PHLDB2: variants seen among roughly 807,000 people sequenced by gnomAD.
The protein encoded by PHLDB2 is pleckstrin homology-like domain family B member 2.
A neutral mutation model predicts 123.6 loss-of-function variants in PHLDB2; 71 were observed. That is an observed-to-expected ratio of 0.57 (90% CI 0.47 to 0.70). The LOEUF (loss-of-function observed/expected upper bound fraction) is 0.70. PHLDB2 is among the 30% of genes least tolerant of loss of function. The pLI is 0.00. For synonymous variants in PHLDB2, 547 were observed against 541.6 expected (o/e 1.01, Z -0.14); for missense variants, 1,446 against 1,519.5 (o/e 0.95, Z 0.80).
intron 1 of PHLDB2, among the ~76,000 whole-genome samples, chr3:111,820,059 T>C (rs894890532): frequency 6.6e-6 from 1 of 152,242 alleles, no homozygotes; most frequent in Non-Finnish European, 1.5e-5. Context: ...CCCTAGTGGC[T>C]TGAGGTTGTT....
At chr3:111,813,339 G>T (rs2061929624) in intron 1 of PHLDB2, among the ~76,000 whole-genome samples, 1 of 151,970 alleles carries the variant, frequency 6.6e-6, no homozygotes, top group Non-Finnish European at 1.5e-5. Flanking sequence ...ATATTTTGGA[G>T]GCTTAGATAT....
chr3:111,858,974 T>C (rs1369555590), upstream of PHLDB2, among the ~76,000 whole-genome samples: 1 of 152,022 alleles, frequency 6.6e-6, no homozygotes, highest in Admixed American at 6.5e-5. Flanking sequence ...CTCAGAAAAA[T>C]ATTGGGGAAA....
Position 111,822,663 on chromosome 3 carries a change from A to C in PHLDB2, c.-48-23158A>C, listed in dbSNP as rs142409749. Among the ~76,000 whole-genome samples, 607 of 152,270 alleles carry C rather than the reference A, an allele frequency of 4.0e-3. 4 individuals carry two copies. The highest frequency in any genetic ancestry group is 0.014 in the African/African-American group (566 of 41,558). On this transcript the variant is annotated intron_variant, in intron 1 of 17. Transcript: ENST00000393923. Reference sequence around the variant, plus strand: ...CTATGAGCTCTGGTAAACATTGGCAAGTTGCAGAAGATAAAGCCTGACGTC... The same window carrying C: ...CTATGAGCTCTGGTAAACATTGGCACGTTGCAGAAGATAAAGCCTGACGTC...
At position 111,859,448 on chromosome 3, in the gene PHLDB2, C is replaced by G. The variant is rs78431011; in HGVS notation, c.-143C>G. 159,594 of 985,422 alleles carry G rather than the reference C, an allele frequency of 0.16. 13,313 individuals are homozygous for G. The highest frequency in any genetic ancestry group is 0.18 in the Admixed American group (2,918 of 16,278). The allele number at this position is 985,422 out of a possible 1,614,324, so 61.0% of individuals were successfully genotyped here. On this transcript the variant is annotated 5_prime_UTR_variant, in exon 1 of 18. Transcript: ENST00000431670. ...TGGTTACAAAGGGGGTCAAGAGTGC[C>G]GGACCCAGCCGCGCGGAGCCCACCA...
At chr3:111,900,821 G>A (rs1270429400) in intron 2 of PHLDB2, among the ~76,000 whole-genome samples, 1 of 152,210 alleles carries the variant, frequency 6.6e-6, no homozygotes, top group African/African-American at 2.4e-5. Flanking sequence ...GCAAAATGCA[G>A]TAAAATGAGA....
intron 1 of PHLDB2, among the ~76,000 whole-genome samples, chr3:111,824,195 C>A (rs1033296956): frequency 2.6e-5 from 4 of 152,146 alleles, no homozygotes; most frequent in Admixed American, 2.6e-4. Flanking sequence ...TCTGTCTTCT[C>A]CCTATAAACA....
intron 4 of PHLDB2, among the ~76,000 whole-genome samples, 188 bp from the exon 5 acceptor site, chr3:111,920,094 G>A (rs1469414543): frequency 3.9e-5 from 6 of 152,264 alleles, no homozygotes; most frequent in African/African-American, 1.4e-4. Flanking sequence ...TATATTCTAG[G>A]CTCTCTAGCT....
intron 2 of PHLDB2, among the ~76,000 whole-genome samples, chr3:111,887,548 G>T (rs2066245603): frequency 6.6e-6 from 1 of 152,164 alleles, no homozygotes; most frequent in Non-Finnish European, 1.5e-5. Flanking sequence ...ATTTCATTTA[G>T]TTTGCAAAAT....
chr3:111,805,509 C>T lies in PHLDB2; in HGVS notation c.-48-40312C>T, dbSNP rs374041683. The stretch of plus-strand genomic sequence containing the variant: ...CTGGGAGGCGGAGCTTGCAGTGAGC[C>T]GAGATTGCGCCGCTGCACTCCAGCC... On this transcript the variant is annotated intron_variant, in intron 1 of 17. Coordinates refer to the PHLDB2 transcript ENST00000393923. Among the ~76,000 whole-genome samples the T allele has an allele frequency of 2.7e-5, 4 of 149,598 alleles. 1 individual carries two copies. The highest frequency in any genetic ancestry group is 9.9e-5 in the African/African-American group (4 of 40,292).
At chr3:111,944,869 T>C (rs2070188367) in intron 8 of PHLDB2, among the ~76,000 whole-genome samples, 1 of 152,096 alleles carries the variant, frequency 6.6e-6, no homozygotes, top group African/African-American at 2.4e-5. Context: ...GAGACAAGGT[T>C]TCACCATGTT....
intron 10 of PHLDB2, chr3:111,949,681 C>A: frequency 1.0e-6 from 1 of 966,034 alleles, no homozygotes; most frequent in Non-Finnish European, 1.2e-6. Context: ...CACATATATA[C>A]CTTTTCTTTC....
intron 17 of PHLDB2, 26 bp from the exon 18 acceptor site, chr3:111,974,397 A>G (rs1405524884): frequency 6.4e-7 from 1 of 1,558,114 alleles, no homozygotes; most frequent in Non-Finnish European, 8.7e-7. Flanking sequence ...TTTATTTTAC[A>G]TTCTTTTTCC....
intron 2 of PHLDB2, among the ~76,000 whole-genome samples, chr3:111,902,971 T>C (rs2067285281): frequency 6.6e-6 from 1 of 152,220 alleles, no homozygotes; most frequent in Admixed American, 6.5e-5. Context: ...TATTTTTTAA[T>C]TGGAAAGCTA....
At chr3:111,815,607 G>T (rs115585470) in intron 1 of PHLDB2, among the ~76,000 whole-genome samples, 4,371 of 152,294 alleles carry the variant, frequency 0.029, 82 homozygotes, top group South Asian at 0.065. Context: ...TCTGGCCGAA[G>T]AAATTTCTAA....
At chr3:111,752,769 G>C (rs2059804837) in intron 1 of PHLDB2, among the ~76,000 whole-genome samples, 1 of 151,824 alleles carries the variant, frequency 6.6e-6, no homozygotes, top group African/African-American at 2.4e-5. Context: ...TTTAGCATTA[G>C]GTATATCTCC....
At chr3:111,896,884 T>G (rs1310609401) in intron 2 of PHLDB2, among the ~76,000 whole-genome samples, 1 of 152,158 alleles carries the variant, frequency 6.6e-6, no homozygotes, top group Non-Finnish European at 1.5e-5. Flanking sequence ...CAAAATAATC[T>G]CTTTATGTTG....
rs563667195 is a variant in PHLDB2, at chr3:111,768,616, C to T, written c.-49+35913C>T. Among the ~76,000 whole-genome samples, 30 of 152,244 alleles carry T rather than the reference C, an allele frequency of 2.0e-4. No homozygotes were observed. In the East Asian group the frequency reaches 3.5e-3, roughly 18 times the overall value. ...ATGTCCACACATCAGCCAGCCAGTC[C>T]GTCCCTCACCCACACCCTCGGATCC... On this transcript the variant is annotated intron_variant, in intron 1 of 17. Transcript: ENST00000393923.
intron 1 of PHLDB2, among the ~76,000 whole-genome samples, chr3:111,784,377 G>A (rs946433530): frequency 1.3e-5 from 2 of 152,114 alleles, no homozygotes; most frequent in Admixed American, 1.3e-4. Context: ...TTTGAAGTGA[G>A]GCATGAGATT....
At chr3:111,779,804 C>T (rs1028208482) in intron 1 of PHLDB2, 8 of 952,604 alleles carry the variant, frequency 8.4e-6, no homozygotes, top group East Asian at 1.2e-4. Flanking sequence ...GGACTCTGAC[C>T]TCCATCCTCT....
Sources: allele counts gnomAD v4.1 joint callset (sites outside exome capture counted in the v4.1 genomes callset), GRCh38; gene constraint gnomAD v4.1.1; transcripts MANE v1.5; gene names NCBI Gene and HGNC (gene_info 2026-07-23, HGNC 2026-07-21).